The following FARP1 variants were observed in gnomAD, a reference collection of about 807,000 sequenced individuals.
FARP1 encodes FERM, ARHGEF and pleckstrin domain-containing protein 1.
FARP1 carries 52 observed loss-of-function variants against 128.8 expected under a neutral mutation model. The observed-to-expected ratio is 0.40, with a 90% CI of 0.32 to 0.51. The LOEUF is 0.51. Among genes scored for constraint, FARP1 ranks in the 20% least tolerant of loss-of-function variants. The probability of loss-of-function intolerance (pLI) is 0.45; values close to 1 mark genes in which losing one functional copy is unlikely to be tolerated. For synonymous variants in FARP1, 580 were observed against 551.8 expected, an observed-to-expected ratio of 1.05 and a Z score of -0.72; for missense variants, 1,333 against 1,367.9, an observed-to-expected ratio of 0.97 and a Z score of 0.40.
At chr13:98,360,006 T>C (rs1423110815) in intron 3 of FARP1, among the ~76,000 whole-genome samples, 1 of 152,034 alleles carries the variant, frequency 6.6e-6, no homozygotes, top group Non-Finnish European at 1.5e-5. Flanking sequence ...TGCTACGGGC[T>C]GAATTTGTCC....
intron 1 of FARP1, among the ~76,000 whole-genome samples, chr13:98,167,739 C>T (rs1450130894): frequency 6.6e-6 from 1 of 152,100 alleles, no homozygotes; most frequent in Admixed American, 6.5e-5. Context: ...CTTATGTTGT[C>T]TTCTAGAACT....
At chr13:98,396,121 A>G (rs1162988751) in intron 13 of FARP1, 9 of 399,178 alleles carry the variant, frequency 2.3e-5, no homozygotes, top group Middle Eastern at 6.3e-4. Context: ...CCCGGAGGCC[A>G]TGGATGGGCT....
rs1207468174 is a variant in FARP1 at position 98,313,350 on chromosome 13, G to A, written c.172-30412G>A. On this transcript the variant is annotated intron_variant, in intron 2 of 26. Coordinates refer to ENST00000319562, the MANE Select transcript of FARP1 (RefSeq NM_005766.4). ...CACACACACACACACCTGCACAAAC[G>A]TGCAGGCCCAGGGAGAAGGCCGTGT... is the stretch of plus-strand genomic sequence containing the variant. Among the ~76,000 whole-genome samples, 5 of 147,880 alleles carry A rather than the reference G, an allele frequency of 3.4e-5. No homozygotes were observed. In the South Asian group the frequency reaches 6.5e-4, roughly 19 times the overall value.
chr13:98,353,382 T>C (rs1215692430), intron 3 of FARP1, among the ~76,000 whole-genome samples: 1 of 152,198 alleles, frequency 6.6e-6, no homozygotes, highest in Non-Finnish European at 1.5e-5. Flanking sequence ...GCAGTATTAT[T>C]ATTATTACTT....
chr13:98,164,264 T>A (rs1397099854), intron 1 of FARP1, among the ~76,000 whole-genome samples: 1 of 152,178 alleles, frequency 6.6e-6, no homozygotes, highest in Non-Finnish European at 1.5e-5. Flanking sequence ...TTTGGGGGCG[T>A]GGCGTTTGTT....
Position 98,176,829 on chromosome 13 carries a change from C to G in FARP1, c.-24+33337C>G. ...GGTCGTGCTCCCGACCCCGCAGTGC[C>G]TCCTGGACCCGCTGGCTGCACTTGA... On this transcript the variant is annotated intron_variant, in intron 1 of 26. Transcript: ENST00000319562. This position sits in a 1 kb window ranked among gnomAD's most constrained non-coding sequence, Gnocchi z 6.2. 6.2e-7 allele frequency: 1 copy of G among 1,612,292 alleles called. No individual in the cohort carries two copies. Among genetic ancestry groups the G allele is most frequent in the Non-Finnish European group, 8.5e-7 (1 of 1,179,996 alleles).
At chr13:98,259,927 A>G (rs1883794962) in intron 2 of FARP1, among the ~76,000 whole-genome samples, 1 of 58,334 alleles carries the variant, frequency 1.7e-5, no homozygotes. Flanking sequence ...GTGTATTGAG[A>G]AGACCTTGGG....
At chr13:98,278,588 G>A (rs151118895) in intron 2 of FARP1, among the ~76,000 whole-genome samples, 143 of 152,124 alleles carry the variant, frequency 9.4e-4, no homozygotes, top group African/African-American at 3.4e-3. Flanking sequence ...TTTCTGGTTC[G>A]GAGTGTATAT....
chr13:98,446,589 C>G (rs1170911155), intron 25 of FARP1, 77 bp from the exon 26 acceptor site: 4 of 1,499,514 alleles, frequency 2.7e-6, no homozygotes, highest in East Asian at 2.3e-5. Flanking sequence ...AAGTCCCTGT[C>G]TGATGCGGGG....
chr13:98,249,628 G>T (rs1376265858), intron 2 of FARP1, among the ~76,000 whole-genome samples: 1 of 152,024 alleles, frequency 6.6e-6, no homozygotes, highest in African/African-American at 2.4e-5. Flanking sequence ...CACAGAAATT[G>T]TTTGGCTATT....
At chr13:98,237,336 C>G (rs1381235865) in intron 2 of FARP1, among the ~76,000 whole-genome samples, 2 of 151,678 alleles carry the variant, frequency 1.3e-5, no homozygotes, top group African/African-American at 4.8e-5. Flanking sequence ...TTTATCAAAA[C>G]TTACACAAAC....
At chr13:98,426,653 T>C (rs1891801296) in intron 17 of FARP1, among the ~76,000 whole-genome samples, 1 of 152,214 alleles carries the variant, frequency 6.6e-6, no homozygotes, top group African/African-American at 2.4e-5. Flanking sequence ...TCCTGAGGTA[T>C]TGTTTTGTTT....
chr13:98,259,303 A>G (rs1883761184), intron 2 of FARP1, among the ~76,000 whole-genome samples: 1 of 152,172 alleles, frequency 6.6e-6, no homozygotes, highest in Non-Finnish European at 1.5e-5. Context: ...AATACTCTCT[A>G]TATAGAGTGT....
chr13:98,175,132 A>T (rs1566698709), intron 1 of FARP1, among the ~76,000 whole-genome samples: 1 of 152,220 alleles, frequency 6.6e-6, no homozygotes, highest in Non-Finnish European at 1.5e-5. Flanking sequence ...GCCATTAAAA[A>T]ACAGGAAGTA....
intron 2 of FARP1, among the ~76,000 whole-genome samples, chr13:98,269,810 GTTAT>G (rs1341864803): frequency 6.6e-6 from 1 of 152,196 alleles, no homozygotes; most frequent in Non-Finnish European, 1.5e-5. Context: ...AAATTCAGTT[GTTAT>G]TTATTTAAGA....
chr13:98,288,326 A>G (rs896493300), intron 2 of FARP1, among the ~76,000 whole-genome samples: 1 of 152,170 alleles, frequency 6.6e-6, no homozygotes, highest in African/African-American at 2.4e-5. Flanking sequence ...TAGCACGTAC[A>G]TATGGCTATT....
intron 2 of FARP1, among the ~76,000 whole-genome samples, chr13:98,321,484 G>A (rs368240444): frequency 1.3e-5 from 2 of 152,218 alleles, no homozygotes; most frequent in African/African-American, 4.8e-5. Flanking sequence ...ATTATCCAGG[G>A]TTGTGGTATG....
chr13:98,207,907 TCCACACACACACACACACACACACACAC>T (rs1252808623), intron 1 of FARP1, among the ~76,000 whole-genome samples: 1 of 33,150 alleles, frequency 3.0e-5, no homozygotes, highest in African/African-American at 1.2e-4. Flanking sequence ...GACCACCACC[TCCACACACACACACACACACACACACAC>T]ACACACACAC....
At chr13:98,287,067 AGTT>A (rs953362386) in intron 2 of FARP1, among the ~76,000 whole-genome samples, 2 of 152,166 alleles carry the variant, frequency 1.3e-5, no homozygotes, top group African/African-American at 4.8e-5. Context: ...AACAGAAACC[AGTT>A]TCTGCTATAG....
Sources: allele counts gnomAD v4.1 joint callset (sites outside exome capture counted in the v4.1 genomes callset), GRCh38; gene constraint gnomAD v4.1.1; non-coding constraint Gnocchi (gnomAD v3.1); transcripts MANE v1.5; gene names NCBI Gene and HGNC (gene_info 2026-07-23, HGNC 2026-07-21).